Variants in ENKUR observed in about 807,000 individuals in gnomAD.
ENKUR encodes enkurin, TRPC channel interacting protein, also known as enkurin.
In ENKUR, 19 loss-of-function variants were observed where a neutral mutation model predicts 27.6. The ratio of observed to expected loss-of-function variants is 0.69; its 90% CI spans 0.48 to 1.01. The LOEUF (loss-of-function observed/expected upper bound fraction) is 1.01. ENKUR is among the 50% of genes least tolerant of loss of function. The pLI is 0.00. For synonymous variants in ENKUR, 117 were observed against 96.9 expected (o/e 1.21, Z -1.22); for missense variants, 312 against 310.5 (o/e 1.00, Z -0.04).
intron 1 of ENKUR, among the ~76,000 whole-genome samples, chr10:24,999,974 T>C (rs1301684985): frequency 6.6e-6 from 1 of 152,174 alleles, no homozygotes; most frequent in Non-Finnish European, 1.5e-5. Context: ...TATCTGTGCT[T>C]ATCTTTATTA....
chr10:25,000,872 G>A (rs759579529), intron 1 of ENKUR, among the ~76,000 whole-genome samples: 6 of 151,628 alleles, frequency 4.0e-5, no homozygotes, highest in Non-Finnish European at 7.4e-5. Context: ...GTTTTGTTTG[G>A]TTTGGTTTTA....
Position 24,984,915 on chromosome 10 carries a change from G to T in ENKUR, c.595-10C>A, listed in dbSNP as rs1433005275. The T allele has an allele frequency of 1.2e-6, 2 of 1,606,606 alleles. No individual in the cohort carries two copies. The highest frequency in any genetic ancestry group is 1.7e-5 in the Admixed American group (1 of 58,662). ...AGTTCTTTTTCAGCCCCTGCAAATGGTCAAGAAACTTGTAAATACCAAAGC... is the reference window on the plus strand; with the variant it reads ...AGTTCTTTTTCAGCCCCTGCAAATGTTCAAGAAACTTGTAAATACCAAAGC... On this transcript the variant is annotated splice_polypyrimidine_tract_variant and intron_variant, in intron 4 of 5. Transcript: ENST00000331161.
chr10:25,026,712 ATTTGTC>A (rs1313507307), intron 2 of ENKUR: 1 of 154,902 alleles, frequency 6.5e-6, no homozygotes, highest in Non-Finnish European at 1.5e-5. Context: ...TCCTAACATA[ATTTGTC>A]TTTGATAACA....
Position 25,047,264 on chromosome 10 carries a change from G to A in ENKUR, c.37+13848C>T, listed in dbSNP as rs577186846. Among the ~76,000 whole-genome samples the A allele has an allele frequency of 3.1e-4, 47 of 152,258 alleles. No individual in the cohort carries two copies. The South Asian group carries it at 6.4e-3, about 21-fold the overall frequency. On this transcript the variant is annotated intron_variant, in intron 2 of 5. Coordinates refer to the ENKUR transcript ENST00000615958. ...GCAAGCAGGATTCAACATCAGGAGC[G>A]TGTGAGGCCACTGGAAAATGTTCCA...
chr10:25,051,218 C>T (rs1214179168), intron 2 of ENKUR, among the ~76,000 whole-genome samples: 2 of 152,242 alleles, frequency 1.3e-5, no homozygotes, highest in South Asian at 4.1e-4. Flanking sequence ...AGCTCCTCTT[C>T]TTGCTTCCAG....
intron 1 of ENKUR, among the ~76,000 whole-genome samples, chr10:25,008,622 A>C (rs1331647131): frequency 1.3e-5 from 2 of 152,232 alleles, no homozygotes; most frequent in Admixed American, 6.5e-5. Context: ...ACATTAAACA[A>C]AAACTAATGC....
chr10:25,047,272 C>A (rs566637631), intron 2 of ENKUR, among the ~76,000 whole-genome samples: 16 of 152,246 alleles, frequency 1.1e-4, no homozygotes, highest in Admixed American at 7.8e-4. Flanking sequence ...GCGTGTGAGG[C>A]CACTGGAAAA....
At chr10:24,998,778 C>G (rs1220475892) in intron 2 of ENKUR, among the ~76,000 whole-genome samples, 2 of 151,718 alleles carry the variant, frequency 1.3e-5, no homozygotes, top group African/African-American at 4.8e-5. Context: ...TTTTGAGGCC[C>G]AGTAAAAAAT....
intron 2 of ENKUR, among the ~76,000 whole-genome samples, chr10:25,057,843 G>A (rs1389475807): frequency 6.6e-6 from 1 of 151,994 alleles, no homozygotes; most frequent in South Asian, 2.1e-4. Flanking sequence ...AGGGCAGTTA[G>A]GTATTTATTT....
At position 25,056,681 on chromosome 10, in the gene ENKUR, A is replaced by G. The variant is rs1278475378; in HGVS notation, c.37+4431T>C. ...TAGACTTCTAATAAAAACAAGAGTA[A>G]AAGACTGCAAGACATACTGAAACGT... is the stretch of plus-strand genomic sequence containing the variant. On this transcript the variant is annotated intron_variant, in intron 2 of 5. Coordinates refer to the ENKUR transcript ENST00000615958. 2.0e-5 allele frequency among the ~76,000 whole-genome samples: 3 copies of G among 152,314 alleles called. No homozygotes were observed. In the East Asian group the frequency reaches 5.8e-4, roughly 29 times the overall value.
At chr10:25,023,865 C>T (rs1564349673) in intron 2 of ENKUR, 1 of 1,614,136 alleles carries the variant, frequency 6.2e-7, no homozygotes, top group East Asian at 2.2e-5. Flanking sequence ...AGGTAGCTGA[C>T]AAAGTGCTGA....
intron 3 of ENKUR, among the ~76,000 whole-genome samples, chr10:24,994,014 G>A (rs943675027): frequency 1.3e-5 from 2 of 152,148 alleles, no homozygotes; most frequent in African/African-American, 2.4e-5. Flanking sequence ...GCCACAGAAG[G>A]AGGAAGTACC....
At chr10:24,988,301 T>C (rs1475309566) in intron 4 of ENKUR, among the ~76,000 whole-genome samples, 2 of 146,078 alleles carry the variant, frequency 1.4e-5, no homozygotes, top group Non-Finnish European at 3.0e-5. Context: ...TATATGTATA[T>C]ATATTTATAT....
intron 4 of ENKUR, among the ~76,000 whole-genome samples, chr10:24,988,988 A>C (rs10764515): frequency 6.6e-6 from 1 of 151,284 alleles, no homozygotes; most frequent in Admixed American, 6.6e-5. Flanking sequence ...ATTTGCTATC[A>C]TCACATCAAA....
intron 4 of ENKUR, among the ~76,000 whole-genome samples, chr10:24,989,149 A>G (rs1477102196): frequency 6.6e-6 from 1 of 152,164 alleles, no homozygotes; most frequent in East Asian, 1.9e-4. Context: ...TGGCTTTCAC[A>G]AAGGCACGTA....
chr10:25,001,279 T>A lies in ENKUR; in HGVS notation c.78-1733A>T, dbSNP rs145915244. On this transcript the variant is annotated intron_variant, in intron 1 of 5. Coordinates refer to ENST00000331161, the MANE Select transcript of ENKUR (RefSeq NM_145010.4). The stretch of plus-strand genomic sequence containing the variant: ...ACTGTCCTTTTTTCTTCTTCTTCTA[T>A]ATAATTTTTCTTTTTTTTCCTCTGG... 4.9e-3 allele frequency among the ~76,000 whole-genome samples: 752 copies of A among 151,992 alleles called. 5 individuals are homozygous for A. The highest frequency in any genetic ancestry group is 8.4e-3 in the Non-Finnish European group (569 of 67,898).
rs1312276377 is a variant in ENKUR, at chr10:25,016,021, C to T, written c.-85G>A. On this transcript the variant is annotated 5_prime_UTR_variant, in exon 1 of 6. Coordinates refer to ENST00000331161, the MANE Select transcript of ENKUR (RefSeq NM_145010.4). ...TCTCCGTCCCTTTCTTCACTGCTTC[C>T]CCTTTCTTTCTTCTTCGCCTTCTGA... 3 of 1,519,272 alleles carry T rather than the reference C, an allele frequency of 2.0e-6. No individual in the cohort carries two copies. Among genetic ancestry groups the T allele is most frequent in the Non-Finnish European group, 2.6e-6 (3 of 1,133,382 alleles). 94.1% of individuals were successfully genotyped at this position (1,519,272 alleles called of 1,614,324 possible).
intron 1 of ENKUR, among the ~76,000 whole-genome samples, chr10:25,015,218 G>A (rs1221284146): frequency 6.6e-6 from 1 of 152,108 alleles, no homozygotes; most frequent in African/African-American, 2.4e-5. Context: ...AATTTAAGAG[G>A]TTCTAAGACC....
rs762609722 is a variant in ENKUR at position 25,015,876 on chromosome 10, G to C, written c.61C>G (p.Pro21Ala). The C allele has an allele frequency of 1.2e-6, 2 of 1,605,404 alleles. No homozygotes were observed. Among genetic ancestry groups the C allele is most frequent in the South Asian group, 2.3e-5 (2 of 88,862 alleles). The change falls in exon 1 of 6, where the codon CCT becomes GCT. Residue 21 changes from proline to alanine, a missense_variant. Transcript: ENST00000331161. ...TCCACATACCTAGGAGGCTGGGGAG[G>C]CTCCTTCAAGTCACTGGGTATGAGG... ...YNLIPSDLKE[P>A]PQPPRYISIF... is the part of the protein sequence containing the mutation.
Sources: allele counts gnomAD v4.1 joint callset (sites outside exome capture counted in the v4.1 genomes callset), GRCh38; gene constraint gnomAD v4.1.1; transcripts MANE v1.5; gene names NCBI Gene and HGNC (gene_info 2026-07-23, HGNC 2026-07-21).